Variants in SLFN12L observed in about 807,000 individuals in gnomAD.
SLFN12L encodes the protein schlafen family member 12 like.
SLFN12L carries 34 observed loss-of-function variants against 34.8 expected under a neutral mutation model. That is an observed-to-expected ratio of 0.98 (90% CI 0.74 to 1.30). The LOEUF (loss-of-function observed/expected upper bound fraction) is 1.30. SLFN12L is among the 50% of genes most tolerant of loss of function. SLFN12L has a pLI of 0.00. For synonymous variants in SLFN12L, 259 were observed against 247.5 expected (o/e 1.05, Z -0.44); for missense variants, 703 against 696.2 (o/e 1.01, Z -0.11).
At chr17:35,488,165 TGCCACTACGCTCCA>T (rs1198797841) in intron 2 of SLFN12L, among the ~76,000 whole-genome samples, 3 of 152,124 alleles carry the variant, frequency 2.0e-5, no homozygotes, top group Non-Finnish European at 4.4e-5. Flanking sequence ...GCCGAGATCG[TGCCACTACGCTCCA>T]GCCTGGGCGA....
At chr17:35,525,405 C>G (rs899921105) in intron 1 of SLFN12L, among the ~76,000 whole-genome samples, 1 of 152,072 alleles carries the variant, frequency 6.6e-6, no homozygotes, top group African/African-American at 2.4e-5. Context: ...GACACATAAT[C>G]GTCAGATTCA....
At chr17:35,489,210 T>C (rs1203526794) in intron 2 of SLFN12L, among the ~76,000 whole-genome samples, 1 of 151,702 alleles carries the variant, frequency 6.6e-6, no homozygotes, top group Non-Finnish European at 1.5e-5. Context: ...GTGCAGGGAT[T>C]TTCCCAGACC....
intron 2 of SLFN12L, among the ~76,000 whole-genome samples, chr17:35,518,752 A>C (rs1567683949): frequency 6.6e-6 from 1 of 152,164 alleles, no homozygotes; most frequent in Non-Finnish European, 1.5e-5. Context: ...TGTTGGTGGG[A>C]GTGTAAATTA....
Position 35,472,851 on chromosome 17 carries a change from T to A in SLFN12L, c.*2072A>T, listed in dbSNP as rs1195685109. Reference sequence around the variant, plus strand: ...TTGAGCAGTGGTTTGTAGTTCTCCTTGAAGAGGTCCTTCACATCCCTTGTT... The same window carrying A: ...TTGAGCAGTGGTTTGTAGTTCTCCTAGAAGAGGTCCTTCACATCCCTTGTT... On this transcript the variant is annotated 3_prime_UTR_variant, in exon 5 of 5. Transcript: ENST00000628453. 1.3e-5 allele frequency among the ~76,000 whole-genome samples: 2 copies of A among 152,232 alleles called. No individual in the cohort carries two copies. Among genetic ancestry groups the A allele is most frequent in the Non-Finnish European group, 2.9e-5 (2 of 68,042 alleles).
Position 35,479,103 on chromosome 17 carries a change from C to T in SLFN12L, c.1165+14G>A. 1 of 1,528,780 alleles carries T rather than the reference C, an allele frequency of 6.5e-7. No individual in the cohort carries two copies. Among genetic ancestry groups the T allele is most frequent in the Non-Finnish European group, 8.8e-7 (1 of 1,133,916 alleles). The allele number at this position is 1,528,780 out of a possible 1,614,324, so 94.7% of individuals were successfully genotyped here. A position where few individuals can be genotyped will look rare whatever the true frequency, so the allele number is the denominator to read the frequency against. ...AGCCAAAGGTATCCTTATTGCCAAT[C>T]CTCCTTCCTCAACCTGGTTCTGAAT... On this transcript the variant is annotated intron_variant, in intron 3 of 4. Coordinates refer to ENST00000628453, the MANE Select transcript of SLFN12L (RefSeq NM_001363830.2).
intron 2 of SLFN12L, among the ~76,000 whole-genome samples, chr17:35,488,191 A>G (rs1914684005): frequency 6.6e-6 from 1 of 152,238 alleles, no homozygotes; most frequent in South Asian, 2.1e-4. Context: ...CCTGGGCGAC[A>G]GAGCAAGACT....
At chr17:35,497,659 C>T (rs1915138142) in intron 2 of SLFN12L, among the ~76,000 whole-genome samples, 1 of 152,122 alleles carries the variant, frequency 6.6e-6, no homozygotes, top group Non-Finnish European at 1.5e-5. Flanking sequence ...TTTAGAAGTT[C>T]CAAAGCAATC....
At chr17:35,518,270 G>T (rs1236325688) in intron 2 of SLFN12L, among the ~76,000 whole-genome samples, 1 of 152,232 alleles carries the variant, frequency 6.6e-6, no homozygotes, top group Non-Finnish European at 1.5e-5. Flanking sequence ...AGACATCTAT[G>T]ACCAGGTGTG....
chr17:35,536,115 G>A (rs772350970), intron 1 of SLFN12L, among the ~76,000 whole-genome samples: 6 of 152,018 alleles, frequency 3.9e-5, no homozygotes, highest in Non-Finnish European at 8.8e-5. Flanking sequence ...AACCACATCC[G>A]GCCAAAAATC....
chr17:35,474,395 A>G lies in SLFN12L; in HGVS notation c.*528T>C, dbSNP rs1448304457. 1.3e-5 allele frequency: 2 copies of G among 152,600 alleles called. No individual in the cohort carries two copies. Among genetic ancestry groups the G allele is most frequent in the Non-Finnish European group, 2.9e-5 (2 of 68,340 alleles). 9.5% of individuals were successfully genotyped at this position (152,600 alleles called of 1,614,324 possible). ...ATAAAGAACTTAGGAAGAAGCGAACATAGGCTAATCCCAGTTTTCCAACAT... is the reference window on the plus strand; with the variant it reads ...ATAAAGAACTTAGGAAGAAGCGAACGTAGGCTAATCCCAGTTTTCCAACAT... On this transcript the variant is annotated 3_prime_UTR_variant, in exon 5 of 5. Transcript: ENST00000628453.
At position 35,489,864 on chromosome 17, in the gene SLFN12L, G is replaced by A. The variant is rs1302916465; in HGVS notation, c.87-9669C>T. The A allele has an allele frequency of 7.0e-6, 5 of 719,126 alleles. No individual in the cohort carries two copies. In the Admixed American group the frequency reaches 1.2e-4, roughly 17 times the overall value. 44.5% of individuals were successfully genotyped at this position (719,126 alleles called of 1,614,324 possible). On this transcript the variant is annotated intron_variant, in intron 2 of 4. Coordinates refer to ENST00000628453, the MANE Select transcript of SLFN12L (RefSeq NM_001363830.2). ...GGCAGAAAACTGTCATCTACTTCCG[G>A]AGAGGAACACCAACCTTGTGGAATA...
chr17:35,508,538 C>T (rs375659134), intron 2 of SLFN12L, among the ~76,000 whole-genome samples: 36 of 152,232 alleles, frequency 2.4e-4, no homozygotes, highest in Admixed American at 1.2e-3. Context: ...TTAGTAGAGA[C>T]GGGGTTTCAC....
rs1014396434 is a variant in SLFN12L at position 35,467,363 on chromosome 17, T to G, written c.*7560A>C. On this transcript the variant is annotated 3_prime_UTR_variant, in exon 5 of 5. Coordinates refer to ENST00000628453, the MANE Select transcript of SLFN12L (RefSeq NM_001363830.2). ...TTGTCCCTTTCAGATTAAGGAACACTAAGAACCTCTTTCCTCTTAGATACC... is the reference window on the plus strand; with the variant it reads ...TTGTCCCTTTCAGATTAAGGAACACGAAGAACCTCTTTCCTCTTAGATACC... Among the ~76,000 whole-genome samples, 1 of 152,196 alleles carries G rather than the reference T, an allele frequency of 6.6e-6. No homozygotes were observed. The highest frequency in any genetic ancestry group is 2.1e-4 in the South Asian group (1 of 4,826).
intron 2 of SLFN12L, among the ~76,000 whole-genome samples, chr17:35,485,982 T>C (rs1171355546): frequency 6.6e-6 from 1 of 152,244 alleles, no homozygotes; most frequent in Admixed American, 6.5e-5. Context: ...CCTTGGCTAT[T>C]CAGGCTCTTT....
chr17:35,532,222 C>T (rs879320441), intron 1 of SLFN12L, among the ~76,000 whole-genome samples: 1 of 151,892 alleles, frequency 6.6e-6, no homozygotes, highest in Non-Finnish European at 1.5e-5. Flanking sequence ...AGTGGATCAC[C>T]TGAGGTCAGG....
rs1299500199 is a variant in SLFN12L, at chr17:35,483,524, A to G, written c.87-3329T>C. ...CTCACCAGAATCCAATGATGCTGGT[A>G]TCTTGATCTTGGACTTCCCAGGCTC... On this transcript the variant is annotated intron_variant, in intron 2 of 4. Transcript: ENST00000628453. Among the ~76,000 whole-genome samples, 3 of 152,192 alleles carry G rather than the reference A, an allele frequency of 2.0e-5. No homozygotes were observed. The East Asian group carries it at 5.8e-4, about 29-fold the overall frequency.
At chr17:35,483,300 C>G (rs1288876201) in intron 2 of SLFN12L, among the ~76,000 whole-genome samples, 2 of 152,222 alleles carry the variant, frequency 1.3e-5, no homozygotes, top group African/African-American at 2.4e-5. Flanking sequence ...TAAAGCTCAT[C>G]TTCGTCTTGT....
chr17:35,476,118 C>T (rs1913993570), intron 4 of SLFN12L, among the ~76,000 whole-genome samples: 1 of 152,002 alleles, frequency 6.6e-6, no homozygotes, highest in South Asian at 2.1e-4. Context: ...AAATAGAGCC[C>T]ATGCAGAAAT....
rs57980615 is a variant in SLFN12L at position 35,471,136 on chromosome 17, C to CT, written c.*3786dup. 1.7e-3 allele frequency among the ~76,000 whole-genome samples: 239 copies of CT among 142,576 alleles called. No individual in the cohort carries two copies. The highest frequency in any genetic ancestry group is 1.2e-3 in the Non-Finnish European group (81 of 65,724). The allele number at this position is 142,576 out of a possible 152,430, so 93.5% of individuals were successfully genotyped here. On this transcript the variant is annotated 3_prime_UTR_variant, in exon 5 of 5. Transcript: ENST00000628453. Reference sequence around the variant, plus strand: ...GCAATAAACATATGTGTGCATGTGTCTTTTTTTTTTTTTTTCTGAGACAGA... The same window carrying CT: ...GCAATAAACATATGTGTGCATGTGTCTTTTTTTTTTTTTTTTCTGAGACAGA...
Sources: gnomAD v4.1 joint callset for allele counts (sites outside exome capture counted in the v4.1 genomes callset) on GRCh38, gnomAD v4.1.1 for gene constraint, MANE v1.5 for transcripts, NCBI Gene and HGNC (gene_info 2026-07-23, HGNC 2026-07-21) for gene names.